STK3: variants seen among roughly 807,000 people sequenced by gnomAD.
The protein encoded by STK3 is serine/threonine kinase 3.
STK3 carries 41 observed loss-of-function variants against 58.0 expected under a neutral mutation model. The ratio of observed to expected loss-of-function variants is 0.71; its 90% CI spans 0.55 to 0.92. The LOEUF (loss-of-function observed/expected upper bound fraction) is 0.92, where lower values mean the gene tolerates loss of function less well. STK3 is among the 40% of genes least tolerant of loss of function. STK3 has a pLI of 0.00. For synonymous variants in STK3, 170 were observed against 191.0 expected (o/e 0.89, Z 0.91); for missense variants, 479 against 602.7 (o/e 0.79, Z 2.15).
intron 10 of STK3, among the ~76,000 whole-genome samples, chr8:98,477,139 A>G (rs890180790): frequency 3.3e-5 from 5 of 152,156 alleles, no homozygotes; most frequent in Non-Finnish European, 7.4e-5. Context: ...TCTCTGCCCA[A>G]TTACCTACTC....
At chr8:98,814,533 G>T (rs143955522) in intron 1 of STK3, among the ~76,000 whole-genome samples, 6 of 151,850 alleles carry the variant, frequency 4.0e-5, no homozygotes, top group East Asian at 1.9e-4. Flanking sequence ...TAGAGACAGG[G>T]TCTCACCAGG....
chr8:98,539,913 C>T (rs1041048318), intron 9 of STK3, among the ~76,000 whole-genome samples: 1 of 152,062 alleles, frequency 6.6e-6, no homozygotes, highest in Admixed American at 6.6e-5. Context: ...GCCACCATGC[C>T]CAGCTAATTT....
chr8:98,712,594 T>C (rs377089125), intron 4 of STK3, among the ~76,000 whole-genome samples: 9 of 151,728 alleles, frequency 5.9e-5, no homozygotes, highest in African/African-American at 1.2e-4. Flanking sequence ...CTATCCTAAA[T>C]ATATATGCAC....
At chr8:98,731,766 C>G (rs985325459) in intron 4 of STK3, among the ~76,000 whole-genome samples, 1 of 151,876 alleles carries the variant, frequency 6.6e-6, no homozygotes, top group Admixed American at 6.6e-5. Context: ...TGTTGTAGGC[C>G]CTTTCCCTTA....
intron 6 of STK3, among the ~76,000 whole-genome samples, chr8:98,624,875 A>G (rs1249660638): frequency 6.6e-6 from 1 of 152,104 alleles, no homozygotes; most frequent in African/African-American, 2.4e-5. Flanking sequence ...AAAAAAAGAA[A>G]GTGGTTCAAG....
At chr8:98,370,102 T>A (rs1429441681), downstream of STK3, among the ~76,000 whole-genome samples, 2 of 151,066 alleles carry the variant, frequency 1.3e-5, no homozygotes, top group Non-Finnish European at 3.0e-5. Flanking sequence ...TTTTTTTTTT[T>A]TTTTTTTACA....
At chr8:98,655,517 G>A (rs1356185146) in intron 6 of STK3, among the ~76,000 whole-genome samples, 3 of 151,970 alleles carry the variant, frequency 2.0e-5, no homozygotes, top group Admixed American at 1.3e-4. Context: ...CTTCTGCACA[G>A]CAAAAGAAAC....
intron 10 of STK3, among the ~76,000 whole-genome samples, chr8:98,460,830 T>C (rs1819908994): frequency 6.6e-6 from 1 of 152,212 alleles, no homozygotes; most frequent in African/African-American, 2.4e-5. Flanking sequence ...TGATTATAAG[T>C]TTCCTGAGGC....
At chr8:98,434,604 C>T (rs1434404837) in intron 2 of STK3, among the ~76,000 whole-genome samples, 1 of 152,118 alleles carries the variant, frequency 6.6e-6, no homozygotes, top group Non-Finnish European at 1.5e-5. Context: ...GTAAATTCTC[C>T]CAAGCAAATG....
chr8:98,884,813 C>A (rs757706810), intron 1 of STK3, among the ~76,000 whole-genome samples: 43 of 152,158 alleles, frequency 2.8e-4, no homozygotes, highest in Non-Finnish European at 1.3e-4. Context: ...GCTTTGGTCA[C>A]CATTATATTC....
chr8:98,361,783 T>A, the STK3 span, among the ~76,000 whole-genome samples: 2 of 152,064 alleles, frequency 1.3e-5, no homozygotes, highest in Non-Finnish European at 2.9e-5. Context: ...AGGAACAAGG[T>A]GGTTTTGCTG....
chr8:98,709,157 C>T (rs555512276), intron 4 of STK3, among the ~76,000 whole-genome samples: 15 of 151,966 alleles, frequency 9.9e-5, no homozygotes, highest in South Asian at 8.3e-4. Context: ...CTATAAGCAA[C>T]GGGATAATTT....
chr8:98,663,456 A>G (rs1822114143), intron 6 of STK3, among the ~76,000 whole-genome samples: 1 of 152,240 alleles, frequency 6.6e-6, no homozygotes, highest in African/African-American at 2.4e-5. Flanking sequence ...TGTGGAAGTC[A>G]GTGTGGTGAT....
chr8:98,628,126 C>T (rs1302388322), intron 6 of STK3, among the ~76,000 whole-genome samples: 1 of 152,160 alleles, frequency 6.6e-6, no homozygotes, highest in Non-Finnish European at 1.5e-5. Flanking sequence ...AATGCAACAA[C>T]TCTACATAAA....
chr8:98,645,855 G>A (rs1761722455), intron 6 of STK3, among the ~76,000 whole-genome samples: 1 of 152,034 alleles, frequency 6.6e-6, no homozygotes, highest in Non-Finnish European at 1.5e-5. Context: ...TAGATATCGA[G>A]TAGAGACAGG....
intron 3 of STK3, among the ~76,000 whole-genome samples, chr8:98,412,698 A>G (rs938682147): frequency 6.6e-6 from 1 of 152,176 alleles, no homozygotes; most frequent in Non-Finnish European, 1.5e-5. Context: ...CAATCTCAAG[A>G]GAGAGGGTTT....
intron 1 of STK3, among the ~76,000 whole-genome samples, chr8:98,887,245 T>C (rs55999827): frequency 0.069 from 10,465 of 152,126 alleles, 434 homozygotes; most frequent in South Asian, 0.1. Context: ...CCATCCATTT[T>C]CCCCCCGAAT....
At chr8:98,600,996 C>T (rs1485696640) in intron 6 of STK3, among the ~76,000 whole-genome samples, 3 of 152,034 alleles carry the variant, frequency 2.0e-5, no homozygotes, top group African/African-American at 7.2e-5. Flanking sequence ...GTATAAGTGT[C>T]TTTAAAATTT....
chr8:98,744,512 C>G (rs886725420), intron 4 of STK3, among the ~76,000 whole-genome samples: 2 of 141,504 alleles, frequency 1.4e-5, no homozygotes, highest in Non-Finnish European at 3.0e-5. Flanking sequence ...TATTCTCACT[C>G]ATAGGTGGGA....
Sources: allele counts gnomAD v4.1 joint callset (sites outside exome capture counted in the v4.1 genomes callset), GRCh38; gene constraint gnomAD v4.1.1; transcripts MANE v1.5; gene names NCBI Gene and HGNC (gene_info 2026-07-23, HGNC 2026-07-21).